Variants in EIF4E3 observed in about 807,000 individuals in gnomAD.
EIF4E3 encodes the protein eukaryotic translation initiation factor 4E type 3.
In EIF4E3, 26 loss-of-function variants were observed where a neutral mutation model predicts 31.7. The observed-to-expected ratio is 0.82, with a 90% CI of 0.60 to 1.14. The LOEUF (loss-of-function observed/expected upper bound fraction) is 1.14. Ranked by LOEUF, EIF4E3 falls within the 50% of genes most tolerant of loss-of-function variation. The pLI, the probability that EIF4E3 is intolerant of heterozygous loss-of-function variation, is 0.00. For missense variants in EIF4E3, 304 were observed against 270.9 expected, an observed-to-expected ratio of 1.12 and a Z score of -0.86; for synonymous variants, 128 against 107.7, an observed-to-expected ratio of 1.19 and a Z score of -1.17.
intron 2 of EIF4E3, among the ~76,000 whole-genome samples, chr3:71,702,876 G>A (rs1010007024): frequency 1.3e-5 from 2 of 152,116 alleles, no homozygotes; most frequent in Non-Finnish European, 1.5e-5. Flanking sequence ...AACCTCTTCC[G>A]CCCTTGCAGA....
chr3:71,727,942 C>A (rs1437057875), upstream of EIF4E3, among the ~76,000 whole-genome samples: 1 of 152,204 alleles, frequency 6.6e-6, no homozygotes, highest in South Asian at 2.1e-4. Context: ...GAACTAGGAA[C>A]AGTCTGGCAG....
chr3:71,751,201 C>T (rs1411990508), intron 1 of EIF4E3, among the ~76,000 whole-genome samples: 1 of 152,086 alleles, frequency 6.6e-6, no homozygotes, highest in Non-Finnish European at 1.5e-5. Context: ...CCACTGACTC[C>T]AGCCTAGGTG....
At chr3:71,745,815 AG>A (rs910097275) in intron 1 of EIF4E3, among the ~76,000 whole-genome samples, 1 of 152,216 alleles carries the variant, frequency 6.6e-6, no homozygotes, top group African/African-American at 2.4e-5. Flanking sequence ...TGCAAAAGAA[AG>A]GGGCCACATT....
At chr3:71,725,686 G>A (rs1313454604), upstream of EIF4E3, among the ~76,000 whole-genome samples, 1 of 151,926 alleles carries the variant, frequency 6.6e-6, no homozygotes, top group Non-Finnish European at 1.5e-5. The surrounding 1 kb of genome is among the most constrained non-coding windows in gnomAD (Gnocchi z 6.1). Flanking sequence ...GGGCTAGAGG[G>A]CCCACGGGGG....
intron 1 of EIF4E3, among the ~76,000 whole-genome samples, chr3:71,742,905 G>A (rs2049834188): frequency 6.6e-6 from 1 of 152,102 alleles, no homozygotes; most frequent in South Asian, 2.1e-4. Context: ...TAGATGCATG[G>A]AAAGCATTTG....
intron 3 of EIF4E3, among the ~76,000 whole-genome samples, chr3:71,698,649 A>G (rs1169326076): frequency 6.6e-6 from 1 of 152,244 alleles, no homozygotes; most frequent in Admixed American, 6.5e-5. Flanking sequence ...AGAAATTGAA[A>G]GGGGACTCAA....
intron 1 of EIF4E3, among the ~76,000 whole-genome samples, chr3:71,744,740 G>A (rs538461323): frequency 5.3e-5 from 8 of 152,264 alleles, no homozygotes; most frequent in East Asian, 1.9e-4. Context: ...GCGAGACTCC[G>A]TCTCAAAAAA....
At chr3:71,712,917 G>C (rs138400832) in intron 1 of EIF4E3, among the ~76,000 whole-genome samples, 2 of 147,858 alleles carry the variant, frequency 1.4e-5, no homozygotes, top group African/African-American at 5.0e-5. Flanking sequence ...AAATGCCTCC[G>C]TCTCCACAGT....
At chr3:71,705,069 C>T (rs1354671014) in intron 2 of EIF4E3, among the ~76,000 whole-genome samples, 1 of 152,184 alleles carries the variant, frequency 6.6e-6, no homozygotes, top group African/African-American at 2.4e-5. Context: ...TTCTCTTTCT[C>T]TTTTCAGTGT....
chr3:71,681,119 A>G lies in EIF4E3; in HGVS notation c.*3563T>C, dbSNP rs2048917014. On this transcript the variant is annotated 3_prime_UTR_variant, in exon 7 of 7. Transcript: ENST00000425534. The stretch of plus-strand genomic sequence containing the variant: ...AGAGCCTAGGATTTGAGATATTTTA[A>G]GCACATCTGGAGCGATCTAGCTTTG... The G allele has an allele frequency of 6.6e-6, 1 of 152,230 alleles. No homozygotes were observed. Among genetic ancestry groups the G allele is most frequent in the Admixed American group, 6.5e-5 (1 of 15,284 alleles). The allele number at this position is 152,230 out of a possible 1,614,324, so 9.4% of individuals were successfully genotyped here. A position where few individuals can be genotyped will look rare whatever the true frequency, so the allele number is the denominator to read the frequency against.
At chr3:71,725,616 G>C (rs1441053783), upstream of EIF4E3, among the ~76,000 whole-genome samples, 1 of 151,954 alleles carries the variant, frequency 6.6e-6, no homozygotes, top group Non-Finnish European at 1.5e-5. This position sits in a 1 kb window ranked among gnomAD's most constrained non-coding sequence, Gnocchi z 6.1. Flanking sequence ...GGCCGATCCC[G>C]CTCAGGCGCG....
chr3:71,665,409 T>A, the EIF4E3 span, among the ~76,000 whole-genome samples: 1 of 152,182 alleles, frequency 6.6e-6, no homozygotes, highest in Non-Finnish European at 1.5e-5. Flanking sequence ...TTTAAAAGAA[T>A]CTAATGGGCT....
chr3:71,672,779 T>C (rs1383381391), downstream of EIF4E3, among the ~76,000 whole-genome samples: 1 of 152,012 alleles, frequency 6.6e-6, no homozygotes, highest in African/African-American at 2.4e-5. Flanking sequence ...TTAAAACATC[T>C]TTTTTCTTTT....
At chr3:71,686,543 A>AGT (rs61264269) in intron 6 of EIF4E3, among the ~76,000 whole-genome samples, 29,548 of 143,428 alleles carry the variant, frequency 0.21, 3,060 homozygotes, top group East Asian at 0.34. Context: ...TTTCACATTG[A>AGT]GTGTGTGTGT....
At chr3:71,731,015 T>C (rs1464383303) in intron 1 of EIF4E3, among the ~76,000 whole-genome samples, 1 of 152,168 alleles carries the variant, frequency 6.6e-6, no homozygotes, top group Non-Finnish European at 1.5e-5. Flanking sequence ...TGAGCCACAG[T>C]GCCTAGCCTG....
intron 1 of EIF4E3, among the ~76,000 whole-genome samples, chr3:71,721,670 C>T (rs754574498): frequency 1.5e-4 from 23 of 152,140 alleles, no homozygotes; most frequent in Non-Finnish European, 3.1e-4. Flanking sequence ...TACTGCTGCC[C>T]TGTGAAGAAG....
In EIF4E3 at chr3:71,699,616, A is replaced by C; in HGVS notation, c.342T>G (p.Leu114=). 1 of 1,613,600 alleles carries C rather than the reference A, an allele frequency of 6.2e-7. No individual in the cohort carries two copies. Among genetic ancestry groups the C allele is most frequent in the Non-Finnish European group, 8.5e-7 (1 of 1,179,846 alleles). Residue 114 remains leucine (L), a splice_region_variant and synonymous_variant, in exon 3 of 7, where the codon CTT becomes CTG. Coordinates refer to ENST00000425534, the MANE Select transcript of EIF4E3 (RefSeq NM_001134651.2). The part of the protein sequence containing the change: ...YHLMRGERRP[L]WEEESNAKGG... ...TAAATTACACGTTAGACACTTACCA[A>C]AGTGGTCGCCTCTCTCCTCTCATTA...
At chr3:71,740,284 G>A (rs1294134922) in intron 1 of EIF4E3, among the ~76,000 whole-genome samples, 1 of 152,134 alleles carries the variant, frequency 6.6e-6, no homozygotes, top group Non-Finnish European at 1.5e-5. Flanking sequence ...ATTCCCAATT[G>A]AATTTCAGCC....
At chr3:71,742,336 G>A (rs1016062070) in intron 1 of EIF4E3, among the ~76,000 whole-genome samples, 2 of 152,044 alleles carry the variant, frequency 1.3e-5, no homozygotes, top group African/African-American at 4.8e-5. Flanking sequence ...CTATGTAGAA[G>A]ATAACAATGA....
Sources: gnomAD v4.1 joint callset for allele counts (sites outside exome capture counted in the v4.1 genomes callset) on GRCh38, gnomAD v4.1.1 for gene constraint, Gnocchi (gnomAD v3.1) non-coding constraint, MANE v1.5 for transcripts, NCBI Gene and HGNC (gene_info 2026-07-23, HGNC 2026-07-21) for gene names.